Variants in LPIN1 observed in about 807,000 individuals in gnomAD.
LPIN1 encodes the protein lipin 1, also known as phosphatidate phosphatase LPIN1.
A neutral mutation model predicts 107.5 loss-of-function variants in LPIN1; 71 were observed. The observed-to-expected ratio is 0.66, with a 90% CI of 0.55 to 0.80. The LOEUF (loss-of-function observed/expected upper bound fraction) is 0.80, where lower values mean the gene tolerates loss of function less well. LPIN1 is among the 30% of genes least tolerant of loss of function. LPIN1 has a pLI of 0.00. For missense variants in LPIN1, 1,043 were observed against 1,160.6 expected (o/e 0.90, Z 1.47); for synonymous variants, 445 against 452.6 (o/e 0.98, Z 0.21).
rs1670687229 is a variant in LPIN1, at chr2:11,765,410, A to G, written c.-9-123A>G. 2 of 900,298 alleles carry G rather than the reference A, an allele frequency of 2.2e-6. No homozygotes were observed. The highest frequency in any genetic ancestry group is 3.4e-6 in the Non-Finnish European group (2 of 583,820). 55.8% of individuals were successfully genotyped at this position (900,298 alleles called of 1,614,324 possible). ...GGGGTGGATAGAACACATTCCGGAA[A>G]TGAGAGGAGCTGAAAGTTGAGTGTG... is the stretch of plus-strand genomic sequence containing the variant. On this transcript the variant is annotated intron_variant, in intron 1 of 20. Transcript: ENST00000674199. This position sits in a 1 kb window ranked among gnomAD's most constrained non-coding sequence, Gnocchi z 4.4.
rs771049586 is a variant in LPIN1 at position 11,784,915 on chromosome 2, C to A, written c.1388C>A (p.Ala463Glu). ...NGDPSGLAKH[A>E]SDNGARSANQ... Reference sequence around the variant, plus strand: ...GATCCTTCCGGACTCGCAAAACATGCAAGCGACAACGGAGCCCGGTCAGCC... The same window carrying A: ...GATCCTTCCGGACTCGCAAAACATGAAAGCGACAACGGAGCCCGGTCAGCC... The change falls in exon 10 of 21, where the codon GCA (alanine) becomes GAA (glutamate). Residue 463 changes from alanine (A) to glutamate (E), a missense_variant. Physicochemically the swap from Ala to Glu is moderately radical, Grantham distance 107 (BLOSUM62 -1). Transcript: ENST00000674199. 2.5e-6 allele frequency: 4 copies of A among 1,613,866 alleles called. No individual in the cohort carries two copies. The East Asian group carries it at 6.7e-5, about 27-fold the overall frequency.
upstream of LPIN1, among the ~76,000 whole-genome samples, chr2:11,743,595 C>A (rs1032604261): frequency 2.0e-5 from 3 of 152,182 alleles, no homozygotes; most frequent in East Asian, 1.9e-4. This position sits in a 1 kb window ranked among gnomAD's most constrained non-coding sequence, Gnocchi z 4.7. Context: ...CAAGGAGTGG[C>A]CTTAGACCCC....
At chr2:11,686,992 C>G (rs2148504250) in intron 1 of LPIN1, among the ~76,000 whole-genome samples, 1 of 123,780 alleles carries the variant, frequency 8.1e-6, no homozygotes, top group East Asian at 2.4e-4. Flanking sequence ...AGCTTTTGAT[C>G]CTTTTTTTTT....
At chr2:11,787,925 A>C (rs767312977) in intron 11 of LPIN1, among the ~76,000 whole-genome samples, 10 of 150,286 alleles carry the variant, frequency 6.7e-5, no homozygotes, top group Admixed American at 4.6e-4. Context: ...TGGGTGAAAG[A>C]GCAAGACTCT....
rs765615003 is a variant in LPIN1 at position 11,791,967 on chromosome 2, G to A, written c.1767G>A (p.Trp589Ter). The A allele has an allele frequency of 6.2e-7, 1 of 1,614,032 alleles. No homozygotes were observed. Among genetic ancestry groups the A allele is most frequent in the Non-Finnish European group, 8.5e-7 (1 of 1,179,940 alleles). ...RDKMPKKGGR[W>*]WFSWRGRNTT... ...AAATGCCCAAAAAGGGAGGAAGATG[G>A]TGGTTTTCATGGAGGGGAAGAAACA... Residue 589 changes from tryptophan (W) to a stop codon, truncating the protein, a stop_gained, in exon 13 of 21, where the codon TGG becomes TGA. Transcript: ENST00000674199. LOFTEE classifies it high-confidence loss of function.
intron 5 of LPIN1, among the ~76,000 whole-genome samples, chr2:11,775,621 C>T (rs1572743806): frequency 1.3e-5 from 2 of 152,066 alleles, no homozygotes; most frequent in Middle Eastern, 3.4e-3. Context: ...TGATTAAGCA[C>T]GAAAGTGTGA....
intron 1 of LPIN1, among the ~76,000 whole-genome samples, chr2:11,710,084 G>GC (rs1663332359): frequency 6.6e-6 from 1 of 152,160 alleles, no homozygotes; most frequent in Non-Finnish European, 1.5e-5. Context: ...TTTTCCATCT[G>GC]ACTCTCATAG....
intron 1 of LPIN1, among the ~76,000 whole-genome samples, chr2:11,690,743 A>G (rs759904521): frequency 3.9e-5 from 6 of 152,062 alleles, no homozygotes; most frequent in Non-Finnish European, 5.9e-5. Context: ...TATCTACTAT[A>G]TTGATATTTA....
intron 20 of LPIN1, among the ~76,000 whole-genome samples, chr2:11,821,512 G>A (rs1039104698): frequency 6.6e-6 from 1 of 152,090 alleles, no homozygotes; most frequent in Admixed American, 6.5e-5. Flanking sequence ...GCTAGACTCT[G>A]TCTCAAAAAA....
chr2:11,780,106 G>A (rs1260929422), intron 7 of LPIN1, among the ~76,000 whole-genome samples: 2 of 152,100 alleles, frequency 1.3e-5, no homozygotes, highest in African/African-American at 4.8e-5. Flanking sequence ...GTCTTGAACT[G>A]CTGACCTCAA....
chr2:11,813,653 G>A (rs947614235), intron 17 of LPIN1, among the ~76,000 whole-genome samples: 14 of 152,170 alleles, frequency 9.2e-5, no homozygotes, highest in Non-Finnish European at 2.1e-4. Flanking sequence ...GGTGGCTCAT[G>A]CCTGTAATCC....
intron 20 of LPIN1, 145 bp from the exon 21 acceptor site, chr2:11,824,487 C>A: frequency 1.3e-6 from 1 of 759,778 alleles, no homozygotes; most frequent in Non-Finnish European, 2.3e-6. Flanking sequence ...TAATCGATAA[C>A]AAATTATTCT....
At chr2:11,693,203 ATTTT>A (rs34503437) in intron 1 of LPIN1, among the ~76,000 whole-genome samples, 1 of 135,222 alleles carries the variant, frequency 7.4e-6, no homozygotes, top group Non-Finnish European at 1.6e-5. Context: ...CCTGAACAAC[ATTTT>A]TTTTTTTTTT....
intron 13 of LPIN1, chr2:11,792,262 A>G (rs1675890736): frequency 2.5e-6 from 1 of 404,122 alleles, no homozygotes; most frequent in Admixed American, 3.7e-5. Flanking sequence ...TCACTCCCTC[A>G]TGGTAAGATT....
intron 14 of LPIN1, among the ~76,000 whole-genome samples, chr2:11,801,241 A>G (rs531794697): frequency 6.6e-6 from 1 of 152,248 alleles, no homozygotes; most frequent in Non-Finnish European, 1.5e-5. Context: ...CAATCCAGCA[A>G]TCCCACTACT....
Position 11,776,180 on chromosome 2 carries a change from C to T in LPIN1, c.817C>T (p.His273Tyr). ...SSCPPQSSLF[H>Y]PSESPSGSRP... is the part of the protein sequence containing the mutation. Reference sequence around the variant, plus strand: ...TTGCCCTCCACAGTCTTCCCTGTTCCATCCTTCGGAAAGGTAGAGGAGTTA... The same window carrying T: ...TTGCCCTCCACAGTCTTCCCTGTTCTATCCTTCGGAAAGGTAGAGGAGTTA... Residue 273 changes from histidine to tyrosine, a missense_variant, in exon 6 of 21, where the codon CAT (histidine) becomes TAT (tyrosine). Coordinates refer to ENST00000674199, the MANE Select transcript of LPIN1 (RefSeq NM_001349206.2). 6.5e-7 allele frequency: 1 copy of T among 1,538,736 alleles called. No individual in the cohort carries two copies. The highest frequency in any genetic ancestry group is 1.7e-4 in the Middle Eastern group (1 of 5,802).
At chr2:11,686,993 C>CTT (rs141927239) in intron 1 of LPIN1, among the ~76,000 whole-genome samples, 558 of 85,074 alleles carry the variant, frequency 6.6e-3, no homozygotes, top group Non-Finnish European at 8.7e-3. Flanking sequence ...GCTTTTGATC[C>CTT]TTTTTTTTTT....
At chr2:11,809,120 TC>T (rs1679216473) in intron 17 of LPIN1, among the ~76,000 whole-genome samples, 1 of 146,922 alleles carries the variant, frequency 6.8e-6, no homozygotes, top group African/African-American at 2.7e-5. Flanking sequence ...GGAACCCCTT[TC>T]AGATTCAGGT....
chr2:11,759,713 G>T (rs1478492792), intron 1 of LPIN1, among the ~76,000 whole-genome samples: 2 of 152,212 alleles, frequency 1.3e-5, no homozygotes, highest in Non-Finnish European at 2.9e-5. Flanking sequence ...CCCAGACGGG[G>T]TGGCGGCCGG....
Sources: allele counts gnomAD v4.1 joint callset (sites outside exome capture counted in the v4.1 genomes callset), GRCh38; gene constraint gnomAD v4.1.1; non-coding constraint Gnocchi (gnomAD v3.1); transcripts MANE v1.5; gene names NCBI Gene and HGNC (gene_info 2026-07-23, HGNC 2026-07-21).